Variants in SEC31B observed in about 807,000 individuals in gnomAD.
SEC31B encodes protein transport protein Sec31B.
A neutral mutation model predicts 135.0 loss-of-function variants in SEC31B; 113 were observed. That is an observed-to-expected ratio of 0.84 (90% CI 0.72 to 0.98). The LOEUF (loss-of-function observed/expected upper bound fraction) is 0.98. Among genes scored for constraint, SEC31B ranks in the 50% least tolerant of loss-of-function variants. The pLI is 0.00. For synonymous variants in SEC31B, 508 were observed against 549.4 expected (o/e 0.92, Z 1.05); for missense variants, 1,296 against 1,421.1 (o/e 0.91, Z 1.42).
chr10:100,487,915 G>T (rs1251249957), intron 25 of SEC31B, 112 bp downstream of exon 25: 2 of 1,506,680 alleles, frequency 1.3e-6, no homozygotes, highest in African/African-American at 1.4e-5. Context: ...CACGTATTTT[G>T]TGGGGAACCC....
intron 16 of SEC31B, 168 bp from the exon 17 acceptor site, chr10:100,497,448 G>A (rs1851433363): frequency 1.4e-6 from 2 of 1,475,666 alleles, no homozygotes; most frequent in South Asian, 2.8e-5. Context: ...TCACATCATG[G>A]TGTGACAAGA....
At chr10:100,512,318 C>T (rs1260711831) in intron 3 of SEC31B, among the ~76,000 whole-genome samples, 2 of 152,170 alleles carry the variant, frequency 1.3e-5, no homozygotes, top group African/African-American at 4.8e-5. Flanking sequence ...TGATCTCTCA[C>T]CTCATTTACC....
Position 100,506,440 on chromosome 10 carries a change from G to A in SEC31B, c.783-20C>T. On this transcript the variant is annotated intron_variant, in intron 7 of 25. Transcript: ENST00000370345. ...ATCCCCCTAAAAAGAGAAGGGAAGA[G>A]GAACTAGCATTTGTTGAATGCCTAC... The A allele has an allele frequency of 6.2e-7, 1 of 1,611,976 alleles. No individual in the cohort carries two copies. Among genetic ancestry groups the A allele is most frequent in the Non-Finnish European group, 8.5e-7 (1 of 1,178,138 alleles).
intron 24 of SEC31B, among the ~76,000 whole-genome samples, chr10:100,488,389 G>A (rs1851226949): frequency 6.6e-6 from 1 of 150,438 alleles, no homozygotes; most frequent in Non-Finnish European, 1.5e-5. Context: ...AACCCGGGAG[G>A]CAGAGCTTGC....
chr10:100,507,772 G>C (rs976840496), intron 6 of SEC31B, 136 bp downstream of exon 6: 41 of 1,344,672 alleles, frequency 3.0e-5, no homozygotes, highest in East Asian at 1.6e-4. Context: ...ACTCTCAATA[G>C]GAAATGTGCT....
intron 11 of SEC31B, 66 bp from the exon 12 acceptor site, chr10:100,499,664 A>T: frequency 1.7e-6 from 2 of 1,211,750 alleles, no homozygotes; most frequent in Non-Finnish European, 2.4e-6. Context: ...TTCCTACAAC[A>T]AGCTGGGTAT....
At chr10:100,492,988 G>T (rs924089976) in intron 19 of SEC31B, among the ~76,000 whole-genome samples, 1 of 152,176 alleles carries the variant, frequency 6.6e-6, no homozygotes, top group African/African-American at 2.4e-5. Flanking sequence ...TGTCAGTTAG[G>T]AACTTGTATT....
At chr10:100,509,659 G>A (rs1851703470) in intron 3 of SEC31B, 148 bp from the exon 4 acceptor site, 2 of 621,758 alleles carry the variant, frequency 3.2e-6, no homozygotes, top group Admixed American at 3.1e-5. Context: ...AGACAGAAGG[G>A]ATGTATCCTC....
At chr10:100,488,213 A>C in intron 24 of SEC31B, 115 bp from the exon 25 acceptor site, 1 of 919,212 alleles carries the variant, frequency 1.1e-6, no homozygotes, top group Non-Finnish European at 1.7e-6. Context: ...TAATCCCAGC[A>C]CCTTGGGAGG....
At chr10:100,495,164 A>G (rs978977037) in intron 19 of SEC31B, 4 of 540,370 alleles carry the variant, frequency 7.4e-6, no homozygotes, top group South Asian at 2.0e-5. Context: ...TTTCGACTAC[A>G]CTATGAGCTA....
Position 100,509,026 on chromosome 10 carries a change from G to A in SEC31B, c.476C>T (p.Thr159Ile), listed in dbSNP as rs369568994. 13 of 1,614,038 alleles carry A rather than the reference G, an allele frequency of 8.1e-6. No homozygotes were observed. The highest frequency in any genetic ancestry group is 1.0e-5 in the Non-Finnish European group (12 of 1,179,922). ...GCTCACCTGTGACTTGGATCCCAGG[G>A]TCATTGGCACATTCAAGTTATTCAG... is the stretch of plus-strand genomic sequence containing the variant. ...WDLNNLNVPM[T>I]LGSKSQQPPE... Residue 159 changes from threonine (T) to isoleucine (I), a missense_variant, in exon 5 of 26, where the codon ACC (threonine) becomes ATC (isoleucine). Physicochemically the swap from Thr to Ile is moderately conservative, Grantham distance 89. Transcript: ENST00000370345.
chr10:100,492,240 T>C (rs1232478416), intron 19 of SEC31B, among the ~76,000 whole-genome samples: 2 of 152,242 alleles, frequency 1.3e-5, no homozygotes, highest in African/African-American at 4.8e-5. Context: ...TTTATTTTTT[T>C]TGAGACAGAG....
At chr10:100,489,634 TCC>T in intron 22 of SEC31B, 67 bp downstream of exon 22, 1 of 1,606,474 alleles carries the variant, frequency 6.2e-7, no homozygotes, top group Non-Finnish European at 8.5e-7. Context: ...ACTGACTGAA[TCC>T]TCCAAGGAAT....
In SEC31B at chr10:100,507,527, G is replaced by A; in HGVS notation, c.680C>T (p.Thr227Ile). 1 of 1,614,212 alleles carries A rather than the reference G, an allele frequency of 6.2e-7. No homozygotes were observed. Among genetic ancestry groups the A allele is most frequent in the Non-Finnish European group, 8.5e-7 (1 of 1,180,034 alleles). The change falls in exon 7 of 26, where the codon ACC becomes ATC. Residue 227 changes from threonine (T) to isoleucine (I), a missense_variant. Physicochemically the swap from Thr to Ile is moderately conservative, Grantham distance 89. Transcript: ENST00000370345. The part of the protein sequence containing the change: ...SGLAWHPDIA[T>I]QLVLCSEDDR... ...ATCCTCTGAGCACAGCACTAACTGG[G>A]TGGCTATGTCAGGATGCCAGGCCAG...
chr10:100,505,283 C>T (rs1381648347), intron 10 of SEC31B, 78 bp downstream of exon 10: 3 of 1,553,554 alleles, frequency 1.9e-6, no homozygotes, highest in Admixed American at 1.9e-5. Context: ...ATGCTGGGCA[C>T]ATGGTAGGCT....
At chr10:100,499,295 C>A (rs775157019) in intron 12 of SEC31B, 37 bp from the exon 13 acceptor site, 4 of 1,498,648 alleles carry the variant, frequency 2.7e-6, no homozygotes, top group Non-Finnish European at 3.7e-6. Context: ...CTCTTTCAAG[C>A]GTAAGATCAA....
intron 13 of SEC31B, 55 bp from the exon 14 acceptor site, chr10:100,498,859 G>T: frequency 1.5e-6 from 2 of 1,356,022 alleles, no homozygotes. Flanking sequence ...GACAGACAGA[G>T]AGCTGGCTTA....
intron 20 of SEC31B, 32 bp downstream of exon 20, chr10:100,490,674 C>G (rs1236950122): frequency 1.3e-6 from 2 of 1,526,658 alleles, no homozygotes; most frequent in Non-Finnish European, 1.8e-6. Flanking sequence ...CCTCTGTGCT[C>G]TGCCCAGATA....
At chr10:100,499,358 A>C in intron 12 of SEC31B, 100 bp from the exon 13 acceptor site, 1 of 1,121,424 alleles carries the variant, frequency 8.9e-7, no homozygotes, top group East Asian at 2.5e-5. Flanking sequence ...GTACTCTCTA[A>C]GATCCCTGAT....
Sources: gnomAD v4.1 joint callset for allele counts (sites outside exome capture counted in the v4.1 genomes callset) on GRCh38, gnomAD v4.1.1 for gene constraint, MANE v1.5 for transcripts, NCBI Gene and HGNC (gene_info 2026-07-23, HGNC 2026-07-21) for gene names.